Variants in IRAK1BP1 observed in about 807,000 individuals in gnomAD.
The protein encoded by IRAK1BP1 is interleukin 1 receptor associated kinase 1 binding protein 1, also known as interleukin-1 receptor-associated kinase 1-binding protein 1.
In IRAK1BP1, 24 loss-of-function variants were observed where a neutral mutation model predicts 28.0. That is an observed-to-expected ratio of 0.86 (90% CI 0.62 to 1.20). The LOEUF is 1.20. Ranked by LOEUF, IRAK1BP1 falls within the 50% of genes most tolerant of loss-of-function variation. The pLI is 0.00. For synonymous variants in IRAK1BP1, 131 were observed against 116.3 expected (o/e 1.13, Z -0.81); for missense variants, 336 against 316.7 (o/e 1.06, Z -0.46).
intron 1 of IRAK1BP1, among the ~76,000 whole-genome samples, chr6:78,874,265 C>A (rs1331307448): frequency 6.6e-6 from 1 of 152,174 alleles, no homozygotes; most frequent in Non-Finnish European, 1.5e-5. Flanking sequence ...ATCTTTTAAC[C>A]TAATCCTATA....
At chr6:78,880,409 T>G (rs1051832266) in intron 1 of IRAK1BP1, among the ~76,000 whole-genome samples, 13 of 152,234 alleles carry the variant, frequency 8.5e-5, no homozygotes, top group Admixed American at 3.3e-4. Context: ...TTTAGGATGC[T>G]CAACCTGTGT....
intron 1 of IRAK1BP1, among the ~76,000 whole-genome samples, chr6:78,882,301 G>A (rs376248868): frequency 6.6e-6 from 1 of 152,110 alleles, no homozygotes. Context: ...AAGTCCCAAT[G>A]GCCAAAGCTA....
chr6:78,940,549 T>TTTTC (rs36160851), intron 4 of IRAK1BP1: 1 of 42,052 alleles, frequency 2.4e-5, no homozygotes, highest in East Asian at 4.4e-4. Flanking sequence ...CGTAAGTTTG[T>TTTTC]TTTTTTTTTT....
the IRAK1BP1 span, chr6:78,958,203 T>C: frequency 1.2e-5 from 3 of 248,804 alleles, no homozygotes; most frequent in South Asian, 1.4e-4. Context: ...ATTGAGAAAA[T>C]AATCTTTTTT....
intron 1 of IRAK1BP1, among the ~76,000 whole-genome samples, chr6:78,872,630 A>C (rs1770831548): frequency 6.6e-6 from 1 of 152,202 alleles, no homozygotes; most frequent in Non-Finnish European, 1.5e-5. Flanking sequence ...GTTGGCACTC[A>C]AAAAGTTTAA....
rs58937738 is a variant in IRAK1BP1 at position 78,898,411 on chromosome 6, A to AATATATATATATAT, written c.*98_*111dup. On this transcript the variant is annotated 3_prime_UTR_variant, in exon 4 of 4. Transcript: ENST00000369940. Reference sequence around the variant, plus strand: ...TTTTATAATGTTTACGTTTGTCCTGAATATATATATATATATATATATATA... The same window carrying AATATATATATATAT: ...TTTTATAATGTTTACGTTTGTCCTGAATATATATATATATATATATATATATATATATATATATA... 0.04 allele frequency: 3,477 copies of AATATATATATATAT among 86,010 alleles called. 400 individuals are homozygous for AATATATATATATAT. The highest frequency in any genetic ancestry group is 0.061 in the African/African-American group (938 of 15,312). The allele number at this position is 86,010 out of a possible 1,614,324, so 5.3% of individuals were successfully genotyped here. A position where few individuals can be genotyped will look rare whatever the true frequency, so the allele number is the denominator to read the frequency against.
downstream of IRAK1BP1, among the ~76,000 whole-genome samples, chr6:78,904,774 C>T (rs1772219250): frequency 6.6e-6 from 1 of 152,032 alleles, no homozygotes; most frequent in Non-Finnish European, 1.5e-5. Flanking sequence ...GTATTACATT[C>T]TATAGGGAAT....
chr6:78,962,554 T>C, the IRAK1BP1 span, among the ~76,000 whole-genome samples: 4 of 152,164 alleles, frequency 2.6e-5, no homozygotes, highest in Non-Finnish European at 5.9e-5. Context: ...TGATTCTTTA[T>C]TGAGAGAGTG....
chr6:78,881,121 A>G (rs1380397168), intron 1 of IRAK1BP1, among the ~76,000 whole-genome samples: 1 of 152,200 alleles, frequency 6.6e-6, no homozygotes, highest in Non-Finnish European at 1.5e-5. Flanking sequence ...AGCAGCCAAG[A>G]TGTCTTTCAG....
At chr6:78,910,759 G>A (rs1002016813) in intron 4 of IRAK1BP1, among the ~76,000 whole-genome samples, 1 of 152,264 alleles carries the variant, frequency 6.6e-6, no homozygotes, top group African/African-American at 2.4e-5. Flanking sequence ...CTTCTCGCCG[G>A]CTGGGACTGC....
intron 1 of IRAK1BP1, among the ~76,000 whole-genome samples, chr6:78,882,483 A>ACCATGGATCCACATG (rs1265304517): frequency 2.0e-5 from 3 of 152,232 alleles, no homozygotes; most frequent in African/African-American, 7.2e-5. Context: ...TATTTGGAGT[A>ACCATGGATCCACATG]GTGTCATGTG....
chr6:78,976,218 C>T, the IRAK1BP1 span, among the ~76,000 whole-genome samples: 1 of 148,580 alleles, frequency 6.7e-6, no homozygotes, highest in African/African-American at 2.5e-5. Flanking sequence ...AGAAATAACG[C>T]CGCATATCTA....
chr6:78,932,416 T>A lies in IRAK1BP1; in HGVS notation c.*68-12992T>A, dbSNP rs551197591. ...TTACAACATGTATTTCTTTTCTTTC[T>A]TTTTCTTTTTTTTTTTTTTTTTGAG... On this transcript the variant is annotated intron_variant and NMD_transcript_variant, in intron 4 of 4. Coordinates refer to the IRAK1BP1 transcript ENST00000606868. Among the ~76,000 whole-genome samples the A allele has an allele frequency of 8.5e-4, 104 of 122,584 alleles. 1 individual carries two copies. In the South Asian group the frequency reaches 0.015, roughly 18 times the overall value. The allele number at this position is 122,584 out of a possible 152,430, so 80.4% of individuals were successfully genotyped here.
At chr6:78,929,607 G>A (rs979638291) in intron 4 of IRAK1BP1, among the ~76,000 whole-genome samples, 1 of 152,078 alleles carries the variant, frequency 6.6e-6, no homozygotes, top group Non-Finnish European at 1.5e-5. Flanking sequence ...CTGGATTATA[G>A]GATCAATTGT....
chr6:78,946,513 T>C (rs1773828760), downstream of IRAK1BP1: 2 of 1,388,302 alleles, frequency 1.4e-6, no homozygotes, highest in Middle Eastern at 2.7e-4. Context: ...TGTATAGATT[T>C]AGCAGTTTGA....
the IRAK1BP1 span, chr6:78,978,598 A>AC: frequency 6.3e-7 from 1 of 1,589,118 alleles, no homozygotes; most frequent in Non-Finnish European, 8.6e-7. Flanking sequence ...GTACCTCATC[A>AC]CCCATCTGTG....
downstream of IRAK1BP1, among the ~76,000 whole-genome samples, chr6:78,906,736 C>T (rs1485176401): frequency 6.6e-6 from 1 of 152,036 alleles, no homozygotes; most frequent in Admixed American, 6.6e-5. Flanking sequence ...CAAATATTTA[C>T]AAAAGGATGA....
the IRAK1BP1 span, chr6:78,970,946 A>G: frequency 2.6e-6 from 3 of 1,148,178 alleles, no homozygotes; most frequent in African/African-American, 1.6e-5. Context: ...TCCAATATAC[A>G]GGGTATCAGC....
At chr6:78,869,193 TAAAATA>T (rs1770704154) in intron 1 of IRAK1BP1, among the ~76,000 whole-genome samples, 1 of 152,140 alleles carries the variant, frequency 6.6e-6, no homozygotes. Flanking sequence ...GTTATTTACA[TAAAATA>T]AAAAGAGCTC....
Sources: gnomAD v4.1 joint callset for allele counts (sites outside exome capture counted in the v4.1 genomes callset) on GRCh38, gnomAD v4.1.1 for gene constraint, MANE v1.5 for transcripts, NCBI Gene and HGNC (gene_info 2026-07-23, HGNC 2026-07-21) for gene names.